Variants in CLIC2 observed in about 807,000 individuals in gnomAD.
CLIC2 encodes CLIC family member 2.
CLIC2 carries 9 observed loss-of-function variants against 14.8 expected under a neutral mutation model. The ratio of observed to expected loss-of-function variants is 0.61; its 90% CI spans 0.37 to 1.06. CLIC2 has a LOEUF of 1.06. CLIC2 is among the 50% of genes least tolerant of loss of function. CLIC2 has a pLI of 0.01. For synonymous variants in CLIC2, 61 were observed against 66.3 expected (o/e 0.92, Z 0.39); for missense variants, 148 against 181.4 (o/e 0.82, Z 1.06).
intron 1 of CLIC2, among the ~76,000 whole-genome samples, chrX:155,304,155 G>T (rs1557319601): frequency 9.3e-6 from 1 of 107,532 alleles, no homozygotes; most frequent in Non-Finnish European, 1.9e-5. Flanking sequence ...AAGTTCTCCT[G>T]GATAATATCC....
At chrX:155,320,028 G>C (rs2075108603) in intron 1 of CLIC2, among the ~76,000 whole-genome samples, 1 of 112,453 alleles carries the variant, frequency 8.9e-6, no homozygotes, top group Non-Finnish European at 1.9e-5. Context: ...CTCTGGGCAG[G>C]GCATCTCTGA....
chrX:155,282,333 G>A (rs1038460995), intron 3 of CLIC2, among the ~76,000 whole-genome samples: 4 of 111,764 alleles, frequency 3.6e-5, no homozygotes, highest in African/African-American at 1.3e-4. Context: ...ACCTTAGCAG[G>A]ACAGTTTTAA....
chrX:155,283,915 G>A (rs1216699777), intron 3 of CLIC2, among the ~76,000 whole-genome samples: 2 of 111,585 alleles, frequency 1.8e-5, no homozygotes, highest in East Asian at 5.6e-4. Context: ...GTCAGTTATT[G>A]ATTTTACAGA....
chrX:155,293,145 G>A, intron 3 of CLIC2: 1 of 654,566 alleles, frequency 1.5e-6, no homozygotes, highest in East Asian at 3.2e-5. Flanking sequence ...AAGGCACTTC[G>A]GACAGCTCCT....
intron 1 of CLIC2, among the ~76,000 whole-genome samples, chrX:155,313,168 C>T (rs1291251950): frequency 1.4e-5 from 1 of 71,019 alleles, no homozygotes; most frequent in Non-Finnish European, 2.5e-5. Context: ...GGATACATAG[C>T]AAAATGCCAC....
At chrX:155,308,585 A>T (rs1557320246) in intron 1 of CLIC2, among the ~76,000 whole-genome samples, 1 of 111,674 alleles carries the variant, frequency 9.0e-6, no homozygotes, top group African/African-American at 3.3e-5. Context: ...AGTAGATTTA[A>T]CCCAAAAAAG....
chrX:155,304,062 G>T (rs1243919311), intron 1 of CLIC2, among the ~76,000 whole-genome samples: 5 of 106,590 alleles, frequency 4.7e-5, no homozygotes, highest in African/African-American at 1.7e-4. Flanking sequence ...ATGTGTCTTG[G>T]AGTTGCTCTT....
At chrX:155,285,276 T>C (rs190096308) in intron 3 of CLIC2, among the ~76,000 whole-genome samples, 53 of 112,295 alleles carry the variant, frequency 4.7e-4, no homozygotes, top group African/African-American at 1.6e-3. Flanking sequence ...TATTATGAAC[T>C]AGTATGAACC....
At chrX:155,325,220 A>G (rs782105479) in intron 1 of CLIC2, among the ~76,000 whole-genome samples, 1 of 111,980 alleles carries the variant, frequency 8.9e-6, no homozygotes. Flanking sequence ...AGGATCTAGA[A>G]TCAGAAATAC....
At chrX:155,282,827 G>T (rs781838234) in intron 3 of CLIC2, among the ~76,000 whole-genome samples, 23 of 111,667 alleles carry the variant, frequency 2.1e-4, no homozygotes, top group South Asian at 7.6e-4. Flanking sequence ...CAGGCTTTGG[G>T]TCTGTCCCAG....
chrX:155,302,341 G>T (rs376018135), intron 1 of CLIC2, among the ~76,000 whole-genome samples: 15 of 108,018 alleles, frequency 1.4e-4, no homozygotes, highest in African/African-American at 4.4e-4. Flanking sequence ...TATCCATTTC[G>T]TCTAGATTTT....
At chrX:155,322,990 CA>C (rs1465971865) in intron 1 of CLIC2, among the ~76,000 whole-genome samples, 3 of 111,213 alleles carry the variant, frequency 2.7e-5, no homozygotes, top group Non-Finnish European at 5.7e-5. Flanking sequence ...AGGAAGAAGT[CA>C]ATCCCTGAAT....
Position 155,286,821 on chromosome X carries a change from T to G in CLIC2, c.294-6753A>C, listed in dbSNP as rs782042760. Among the ~76,000 whole-genome samples, 4 of 112,410 alleles carry G rather than the reference T, an allele frequency of 3.6e-5. No homozygotes were observed. The South Asian group carries it at 1.5e-3, about 41-fold the overall frequency. Reference sequence around the variant, plus strand: ...CCTTTGCCCACATTTGAATGCGATTTTTTTCTTGTAAATTTATTTAAGCTC... The same window carrying G: ...CCTTTGCCCACATTTGAATGCGATTGTTTTCTTGTAAATTTATTTAAGCTC... On this transcript the variant is annotated intron_variant, in intron 3 of 5. Coordinates refer to ENST00000369449, the MANE Select transcript of CLIC2 (RefSeq NM_001289.6).
intron 3 of CLIC2, chrX:155,291,453 G>A: frequency 4.6e-6 from 2 of 430,353 alleles, no homozygotes; most frequent in Non-Finnish European, 8.5e-6. Context: ...GAATCATGTC[G>A]TCTGCAAACA....
chrX:155,286,946 T>G (rs1248899313), intron 3 of CLIC2, among the ~76,000 whole-genome samples: 3 of 112,809 alleles, frequency 2.7e-5, no homozygotes, highest in African/African-American at 9.7e-5. Context: ...TTGTTTCTTT[T>G]GCTGTGTAGA....
intron 3 of CLIC2, among the ~76,000 whole-genome samples, chrX:155,296,419 C>T (rs782502419): frequency 9.0e-6 from 1 of 111,243 alleles, no homozygotes; most frequent in Admixed American, 9.6e-5. Flanking sequence ...TAAGAGAAAA[C>T]CTAGGGAAAA....
Position 155,277,896 on chromosome X carries a change from A to AGCTCT in CLIC2, c.*2_*6dup. ...CAAATATAGCCTTGTCTCCTGTAAG[A>AGCTCT]GCTCTCCTAACTCTTCTGTTTAGCC... On this transcript the variant is annotated 3_prime_UTR_variant, in exon 6 of 6. Transcript: ENST00000369449. 8.3e-7 allele frequency: 1 copy of AGCTCT among 1,199,977 alleles called. No homozygotes were observed. The highest frequency in any genetic ancestry group is 1.1e-6 in the Non-Finnish European group (1 of 885,059).
chrX:155,280,620 G>A (rs2124148178), intron 3 of CLIC2, among the ~76,000 whole-genome samples: 1 of 111,231 alleles, frequency 9.0e-6, no homozygotes, highest in South Asian at 3.8e-4. Flanking sequence ...TTGAAGCTGG[G>A]AAGTGGAGGT....
chrX:155,290,475 C>T (rs782543467), intron 3 of CLIC2: 2 of 524,229 alleles, frequency 3.8e-6, no homozygotes, highest in African/African-American at 4.6e-5. Flanking sequence ...TCAACTAATC[C>T]TCATTGTCTA....
Sources: gnomAD v4.1 joint callset for allele counts (sites outside exome capture counted in the v4.1 genomes callset) on GRCh38, gnomAD v4.1.1 for gene constraint, MANE v1.5 for transcripts, NCBI Gene and HGNC (gene_info 2026-07-23, HGNC 2026-07-21) for gene names.